TPCN2: variants seen among roughly 807,000 people sequenced by gnomAD.
TPCN2 encodes the protein two pore channel protein 2.
TPCN2 carries 92 observed loss-of-function variants against 111.4 expected under a neutral mutation model. The observed-to-expected ratio is 0.83, with a 90% CI of 0.70 to 0.98. The LOEUF is 0.98. Among genes scored for constraint, TPCN2 ranks in the 50% least tolerant of loss-of-function variants. The probability of loss-of-function intolerance (pLI) is 0.00; values close to 1 mark genes in which losing one functional copy is unlikely to be tolerated. For synonymous variants in TPCN2, 405 were observed against 414.5 expected, an observed-to-expected ratio of 0.98 and a Z score of 0.28; for missense variants, 995 against 980.1, an observed-to-expected ratio of 1.02 and a Z score of -0.20.
intron 19 of TPCN2, chr11:69,084,868 T>C (rs72928657): frequency 0.16 from 144,717 of 930,842 alleles, 12,119 homozygotes; most frequent in South Asian, 0.22. Flanking sequence ...AGCCCAGGCG[T>C]GTACCCCTTC....
intron 1 of TPCN2, among the ~76,000 whole-genome samples, chr11:69,051,513 A>G (rs1861224997): frequency 6.6e-6 from 1 of 152,212 alleles, no homozygotes; most frequent in Middle Eastern, 3.2e-3. Flanking sequence ...AGGACCCTAC[A>G]CAGGTTGTGC....
intron 13 of TPCN2, among the ~76,000 whole-genome samples, chr11:69,077,835 C>T (rs1490770418): frequency 6.6e-6 from 1 of 152,210 alleles, no homozygotes; most frequent in African/African-American, 2.4e-5. Context: ...CACCGAAGAA[C>T]TGAGTGTTGA....
At position 69,078,565 on chromosome 11, in the gene TPCN2, G is replaced by A. The variant is rs1855885554; in HGVS notation, c.1314G>A (p.Gly438=). Reference sequence around the variant, plus strand: ...GCCACTACTACTTTGACTACCTGGGGAACCTCATCGCCCTGGCAAACCTGG... The same window carrying A: ...GCCACTACTACTTTGACTACCTGGGAAACCTCATCGCCCTGGCAAACCTGG... The part of the protein sequence containing the change: ...LFGHYYFDYL[G]NLIALANLVS... The change falls in exon 14 of 25, where the codon GGG becomes GGA. Residue 438 remains glycine, a synonymous_variant. Coordinates refer to ENST00000294309, the MANE Select transcript of TPCN2 (RefSeq NM_139075.4). 6.2e-7 allele frequency: 1 copy of A among 1,614,112 alleles called. No homozygotes were observed. The highest frequency in any genetic ancestry group is 1.1e-5 in the South Asian group (1 of 91,088).
intron 13 of TPCN2, among the ~76,000 whole-genome samples, chr11:69,076,539 C>T (rs1466831666): frequency 2.1e-5 from 1 of 48,070 alleles, no homozygotes; most frequent in African/African-American, 5.0e-5. Flanking sequence ...GCAGGGGAGG[C>T]CTGCCCTCCT....
At chr11:69,050,671 C>A (rs1417615699) in intron 1 of TPCN2, among the ~76,000 whole-genome samples, 2 of 152,222 alleles carry the variant, frequency 1.3e-5, no homozygotes, top group Non-Finnish European at 2.9e-5. Context: ...AGCCACTGTG[C>A]CTGGCCATGC....
In TPCN2 at chr11:69,086,644, T is replaced by C. The variant is rs763392079; in HGVS notation, c.2085+40T>C. On this transcript the variant is annotated intron_variant, in intron 23 of 24. Coordinates refer to ENST00000294309, the MANE Select transcript of TPCN2 (RefSeq NM_139075.4). ...CACCCAGGCTGTTCTCCATGGTCGTTTGTTTCTAATTCACTCTCGATGGGC... is the reference window on the plus strand; with the variant it reads ...CACCCAGGCTGTTCTCCATGGTCGTCTGTTTCTAATTCACTCTCGATGGGC... The C allele has an allele frequency of 1.9e-6, 3 of 1,545,554 alleles. No homozygotes were observed. The South Asian group carries it at 3.3e-5, about 17-fold the overall frequency.
At chr11:69,049,281 C>A (rs977965326) in intron 1 of TPCN2, among the ~76,000 whole-genome samples, 175 bp downstream of exon 1, 2 of 152,186 alleles carry the variant, frequency 1.3e-5, no homozygotes, top group African/African-American at 4.8e-5. Flanking sequence ...GGCGAGTGGG[C>A]TGCGTCCTGC....
At chr11:69,050,907 G>T (rs1861197093) in intron 1 of TPCN2, among the ~76,000 whole-genome samples, 1 of 152,270 alleles carries the variant, frequency 6.6e-6, no homozygotes, top group Non-Finnish European at 1.5e-5. Context: ...GGCTCTCGGG[G>T]AGCGCTCTTT....
At chr11:69,073,058 C>T (rs551888206) in intron 13 of TPCN2, 57 bp downstream of exon 13, 197 of 1,255,442 alleles carry the variant, frequency 1.6e-4, no homozygotes, top group Non-Finnish European at 2.1e-4. Context: ...GTTTCCCCTG[C>T]CCTTGATCAC....
At position 69,088,168 on chromosome 11, in the gene TPCN2, C is replaced by T; in HGVS notation, c.*215C>T. On this transcript the variant is annotated 3_prime_UTR_variant, in exon 25 of 25. Coordinates refer to ENST00000294309, the MANE Select transcript of TPCN2 (RefSeq NM_139075.4). ...CTGGTGCTTCAGGGAGGCGCCGTGCCCTCCGCTTTCTTTTATAGCTGCTTC... is the reference window on the plus strand; with the variant it reads ...CTGGTGCTTCAGGGAGGCGCCGTGCTCTCCGCTTTCTTTTATAGCTGCTTC... 1 of 542,886 alleles carries T rather than the reference C, an allele frequency of 1.8e-6. No individual in the cohort carries two copies. The highest frequency in any genetic ancestry group is 3.3e-6 in the Non-Finnish European group (1 of 304,564). 33.6% of individuals were successfully genotyped at this position (542,886 alleles called of 1,614,324 possible).
At chr11:69,082,672 CGTGCCCGTGT>C (rs1856079017) in intron 18 of TPCN2, among the ~76,000 whole-genome samples, 1 of 123,822 alleles carries the variant, frequency 8.1e-6, no homozygotes, top group Non-Finnish European at 1.7e-5. Context: ...CATGTGAACT[CGTGCCCGTGT>C]AAGACGCATG....
chr11:69,086,957 C>G (rs1034757462), intron 23 of TPCN2, among the ~76,000 whole-genome samples, 155 bp from the exon 24 acceptor site: 4 of 152,160 alleles, frequency 2.6e-5, no homozygotes, highest in Non-Finnish European at 4.4e-5. Flanking sequence ...CCAGGAGGAG[C>G]CAGCAGCCTC....
chr11:69,064,530 C>T (rs184589778), intron 7 of TPCN2, among the ~76,000 whole-genome samples: 80 of 152,298 alleles, frequency 5.3e-4, no homozygotes, highest in African/African-American at 1.9e-3. Context: ...CCCAGCAGCT[C>T]GTTGCTGTGT....
chr11:69,086,692 C>T lies in TPCN2; in HGVS notation c.2085+88C>T, dbSNP rs916531161. 8.0e-5 allele frequency: 106 copies of T among 1,327,252 alleles called. 1 individual carries two copies. The Admixed American group carries it at 1.8e-3, about 22-fold the overall frequency. The allele number at this position is 1,327,252 out of a possible 1,614,324, so 82.2% of individuals were successfully genotyped here. A position where few individuals can be genotyped will look rare whatever the true frequency, so the allele number is the denominator to read the frequency against. ...GGCCTGAGGCCACCGGCCGGGCCTG[C>T]CTGGAACTTTGATGGGAGAGTCGTG... On this transcript the variant is annotated intron_variant, in intron 23 of 24. Transcript: ENST00000294309.
chr11:69,067,461 G>C, intron 7 of TPCN2, 42 bp from the exon 8 acceptor site: 1 of 1,568,710 alleles, frequency 6.4e-7, no homozygotes, highest in South Asian at 1.1e-5. Context: ...CCTGTGGGGT[G>C]GGGACCCAGT....
intron 2 of TPCN2, 45 bp from the exon 3 acceptor site, chr11:69,054,676 C>A: frequency 6.3e-7 from 1 of 1,577,894 alleles, no homozygotes; most frequent in Non-Finnish European, 8.7e-7. Flanking sequence ...CACGGCCCAC[C>A]CTGCATGCAC....
At position 69,071,819 on chromosome 11, in the gene TPCN2, G is replaced by A. The variant is rs1049337368; in HGVS notation, c.961-104G>A. 6 of 1,079,850 alleles carry A rather than the reference G, an allele frequency of 5.6e-6. No homozygotes were observed. The African/African-American group carries it at 6.2e-5, about 11-fold the overall frequency. 66.9% of individuals were successfully genotyped at this position (1,079,850 alleles called of 1,614,324 possible). ...GTGGGGAACTGGGCCCCCCCCCAAG[G>A]CTGCCCAGACTCCCCCTCTGCCTGT... On this transcript the variant is annotated intron_variant, in intron 10 of 24. Transcript: ENST00000294309.
intron 1 of TPCN2, among the ~76,000 whole-genome samples, 174 bp from the exon 2 acceptor site, chr11:69,053,859 G>A (rs546614663): frequency 6.6e-6 from 1 of 152,322 alleles, no homozygotes; most frequent in South Asian, 2.1e-4. Flanking sequence ...GCACTTACCT[G>A]GTTTGGTCCC....
chr11:69,083,913 G>A (rs780752223), intron 18 of TPCN2, 32 bp from the exon 19 acceptor site: 1 of 1,606,550 alleles, frequency 6.2e-7, no homozygotes, highest in Admixed American at 1.7e-5. Context: ...GGGCCAGGAG[G>A]AGTAAGGGCT....
Sources: gnomAD v4.1 joint callset for allele counts (sites outside exome capture counted in the v4.1 genomes callset) on GRCh38, gnomAD v4.1.1 for gene constraint, MANE v1.5 for transcripts, NCBI Gene and HGNC (gene_info 2026-07-23, HGNC 2026-07-21) for gene names.